KAZN: variants seen among roughly 807,000 people sequenced by gnomAD.
KAZN encodes the protein kazrin, periplakin interacting protein.
KAZN carries 40 observed loss-of-function variants against 87.4 expected under a neutral mutation model. The ratio of observed to expected loss-of-function variants is 0.46; its 90% CI spans 0.36 to 0.60. KAZN has a LOEUF of 0.60. KAZN is among the 20% of genes least tolerant of loss of function. KAZN has a pLI of 0.00. For missense variants in KAZN, 898 were observed against 1,073.9 expected, an observed-to-expected ratio of 0.84 and a Z score of 2.29; for synonymous variants, 466 against 458.3, an observed-to-expected ratio of 1.02 and a Z score of -0.22.
intron 1 of KAZN, among the ~76,000 whole-genome samples, chr1:14,757,513 A>G (rs889659885): frequency 1.3e-5 from 2 of 152,234 alleles, no homozygotes; most frequent in Non-Finnish European, 2.9e-5. Flanking sequence ...CATCAGTAAA[A>G]TGGCAACAGT....
At chr1:14,486,508 C>T (rs1361093737) in intron 2 of KAZN, among the ~76,000 whole-genome samples, 4 of 152,112 alleles carry the variant, frequency 2.6e-5, no homozygotes, top group Non-Finnish European at 4.4e-5. Flanking sequence ...ATTACTCTAC[C>T]GTTGTATGTT....
At chr1:14,922,972 C>T (rs565086085) in intron 1 of KAZN, among the ~76,000 whole-genome samples, 45 of 152,252 alleles carry the variant, frequency 3.0e-4, no homozygotes, top group African/African-American at 1.0e-3. Context: ...GCTTCTGACC[C>T]ATGGGCAGGA....
intron 1 of KAZN, among the ~76,000 whole-genome samples, chr1:13,901,294 C>CT (rs111542681): frequency 2.6e-5 from 4 of 152,140 alleles, no homozygotes; most frequent in African/African-American, 9.7e-5. Flanking sequence ...TACGGTCACC[C>CT]TTAATAAGAG....
chr1:14,633,386 G>A (rs866326075), intron 1 of KAZN, among the ~76,000 whole-genome samples: 39 of 152,164 alleles, frequency 2.6e-4, no homozygotes, highest in African/African-American at 6.8e-4. Context: ...AGAGAAGGCC[G>A]TGTGACAGCA....
intron 2 of KAZN, among the ~76,000 whole-genome samples, chr1:14,268,143 T>G (rs1382901598): frequency 6.6e-6 from 1 of 152,184 alleles, no homozygotes; most frequent in Non-Finnish European, 1.5e-5. Flanking sequence ...TTCCACTGCA[T>G]AGTAGACACC....
intron 1 of KAZN, among the ~76,000 whole-genome samples, chr1:14,015,964 C>T (rs1188040164): frequency 6.6e-6 from 1 of 151,958 alleles, no homozygotes. Context: ...TAGAAAATAC[C>T]TCCATATGAC....
chr1:14,130,207 C>T (rs1264418948), intron 1 of KAZN, among the ~76,000 whole-genome samples: 2 of 152,090 alleles, frequency 1.3e-5, no homozygotes, highest in Non-Finnish European at 2.9e-5. Context: ...ATTTATGTAG[C>T]TCTGAGCATG....
intron 2 of KAZN, among the ~76,000 whole-genome samples, chr1:14,997,210 TTTATTTATTTA>T (rs1667976077): frequency 1.4e-5 from 1 of 71,448 alleles, no homozygotes; most frequent in African/African-American, 1.1e-4. Context: ...CTTTCATTTA[TTTATTTATTTA>T]TTTATTTATT....
chr1:14,066,087 T>G (rs1002503839), intron 1 of KAZN, among the ~76,000 whole-genome samples: 1 of 152,212 alleles, frequency 6.6e-6, no homozygotes, highest in African/African-American at 2.4e-5. Context: ...GTATTTGGTT[T>G]TCCATTCTTG....
At chr1:14,931,871 G>T (rs1659866670) in intron 1 of KAZN, among the ~76,000 whole-genome samples, 1 of 152,132 alleles carries the variant, frequency 6.6e-6, no homozygotes, top group African/African-American at 2.4e-5. Context: ...TCAGGTAGAT[G>T]GACATCTAAG....
At chr1:14,881,543 T>C (rs1293420592) in intron 1 of KAZN, among the ~76,000 whole-genome samples, 1 of 152,214 alleles carries the variant, frequency 6.6e-6, no homozygotes, top group African/African-American at 2.4e-5. Flanking sequence ...TATAGAATAC[T>C]GATTATGTGC....
chr1:14,376,993 C>T (rs1660964994), intron 2 of KAZN, among the ~76,000 whole-genome samples: 1 of 152,162 alleles, frequency 6.6e-6, no homozygotes, highest in East Asian at 1.9e-4. Flanking sequence ...CAAGATCTTT[C>T]CTATCAGCCA....
At chr1:14,901,030 G>A (rs1365260635) in intron 1 of KAZN, among the ~76,000 whole-genome samples, 1 of 152,230 alleles carries the variant, frequency 6.6e-6, no homozygotes, top group African/African-American at 2.4e-5. Context: ...AGCGGTAACA[G>A]GACAGAGATG....
At chr1:14,833,939 C>T (rs1316280964) in intron 1 of KAZN, among the ~76,000 whole-genome samples, 1 of 151,726 alleles carries the variant, frequency 6.6e-6, no homozygotes, top group African/African-American at 2.4e-5. Context: ...TGTTACCACA[C>T]AAAAGGACTC....
chr1:13,921,139 C>T (rs942006884), intron 1 of KAZN, among the ~76,000 whole-genome samples: 6 of 152,056 alleles, frequency 3.9e-5, no homozygotes, highest in African/African-American at 1.4e-4. Flanking sequence ...CTTGATTGTT[C>T]TTGGTGTTTT....
At chr1:14,966,989 G>A (rs546186650) in intron 2 of KAZN, among the ~76,000 whole-genome samples, 6 of 152,220 alleles carry the variant, frequency 3.9e-5, no homozygotes, top group East Asian at 1.9e-4. Context: ...TATTACTGGC[G>A]GAAAATGGCT....
chr1:14,751,102 A>AT (rs111469040), intron 1 of KAZN, among the ~76,000 whole-genome samples: 3 of 152,212 alleles, frequency 2.0e-5, no homozygotes, highest in South Asian at 2.1e-4. Flanking sequence ...GTCTGTTTTG[A>AT]TTTTTTTAAA....
intron 1 of KAZN, among the ~76,000 whole-genome samples, chr1:14,104,766 T>G (rs1644332301): frequency 6.6e-6 from 1 of 152,252 alleles, no homozygotes. Context: ...GATTGATTTC[T>G]TTTTCTCTCT....
chr1:14,681,661 T>A (rs1224597224), intron 1 of KAZN, among the ~76,000 whole-genome samples: 167 of 6,734 alleles, frequency 0.025, no homozygotes, highest in Middle Eastern at 0.12. Flanking sequence ...ATATATATTT[T>A]TTTTTTTTTT....
Sources: allele counts gnomAD v4.1 joint callset (sites outside exome capture counted in the v4.1 genomes callset), GRCh38; gene constraint gnomAD v4.1.1; transcripts MANE v1.5; gene names NCBI Gene and HGNC (gene_info 2026-07-23, HGNC 2026-07-21).